CBR4: variants seen among roughly 807,000 people sequenced by gnomAD.
The protein encoded by CBR4 is carbonyl reductase 4.
A neutral mutation model predicts 21.0 loss-of-function variants in CBR4; 22 were observed. The ratio of observed to expected loss-of-function variants is 1.05; its 90% CI spans 0.75 to 1.50. The LOEUF (loss-of-function observed/expected upper bound fraction) is 1.50. CBR4 is among the 40% of genes most tolerant of loss of function. The pLI is 0.00. For missense variants in CBR4, 302 were observed against 286.3 expected (o/e 1.05, Z -0.40); for synonymous variants, 100 against 104.4 (o/e 0.96, Z 0.26).
intron 2 of CBR4, among the ~76,000 whole-genome samples, chr4:168,967,032 C>T (rs559559116): frequency 5.3e-5 from 8 of 149,648 alleles, no homozygotes; most frequent in Non-Finnish European, 8.9e-5. Context: ...AAAAAAATCA[C>T]GCTACTATAA....
chr4:168,986,833 T>C (rs931452351), downstream of CBR4, among the ~76,000 whole-genome samples: 2 of 152,022 alleles, frequency 1.3e-5, no homozygotes, highest in African/African-American at 4.8e-5. Context: ...TCTCAGCCAC[T>C]TGGGAGGCTA....
At chr4:168,941,336 T>A (rs1390260464) in intron 2 of CBR4, among the ~76,000 whole-genome samples, 4 of 152,178 alleles carry the variant, frequency 2.6e-5, no homozygotes, top group Admixed American at 6.5e-5. Context: ...AAAATTTTTT[T>A]AAAAAGATTA....
At chr4:168,896,405 A>G (rs548814502) in intron 2 of CBR4, 16 of 638,674 alleles carry the variant, frequency 2.5e-5, no homozygotes, top group Non-Finnish European at 3.9e-5. Flanking sequence ...TGAGAAGCAG[A>G]ATGGTTGTGT....
intron 1 of CBR4, chr4:169,008,902 G>A: frequency 1.1e-5 from 5 of 445,206 alleles, no homozygotes; most frequent in South Asian, 8.0e-5. Context: ...GCACTGAACA[G>A]GTGATACCAA....
intron 2 of CBR4, chr4:168,925,171 C>T: frequency 1.3e-6 from 2 of 1,579,406 alleles, no homozygotes; most frequent in Non-Finnish European, 1.7e-6. Flanking sequence ...TCTTTATAAA[C>T]AACTATTGTG....
Position 168,989,684 on chromosome 4 carries a change from T to C in CBR4, c.*466A>G. The C allele has an allele frequency of 1.0e-6, 1 of 983,072 alleles. No homozygotes were observed. The highest frequency in any genetic ancestry group is 1.2e-6 in the Non-Finnish European group (1 of 827,798). The allele number at this position is 983,072 out of a possible 1,614,324, so 60.9% of individuals were successfully genotyped here. On this transcript the variant is annotated 3_prime_UTR_variant, in exon 5 of 5. Coordinates refer to ENST00000306193, the MANE Select transcript of CBR4 (RefSeq NM_032783.5). ...AAAATAATTCATCATAATTAGACAA[T>C]ATAATTTTTCCACTTTTGAGACAAA...
At chr4:168,991,050 A>C (rs1275576763) in intron 4 of CBR4, among the ~76,000 whole-genome samples, 4 of 152,086 alleles carry the variant, frequency 2.6e-5, no homozygotes, top group Non-Finnish European at 5.9e-5. Flanking sequence ...GTGAAACTCC[A>C]TCTCAAAAAA....
chr4:168,950,285 A>C (rs1263135220), intron 2 of CBR4, among the ~76,000 whole-genome samples: 1 of 152,122 alleles, frequency 6.6e-6, no homozygotes, highest in East Asian at 1.9e-4. Flanking sequence ...GCCGTATCCC[A>C]GAGGTTTTGA....
chr4:168,961,969 AGAGGAGAGGAGAGGAGAGGAGAGG>A, intron 2 of CBR4, among the ~76,000 whole-genome samples: 1 of 143,342 alleles, frequency 7.0e-6, no homozygotes, highest in East Asian at 2.0e-4. Flanking sequence ...AGAGGAGAGG[AGAGGAGAGGAGAGGAGAGGAGAGG>A]AAAGGAAAGG....
intron 2 of CBR4, among the ~76,000 whole-genome samples, chr4:168,939,426 T>C (rs1204375818): frequency 2.6e-5 from 4 of 152,078 alleles, no homozygotes; most frequent in Admixed American, 6.5e-5. Context: ...CAATTCAACA[T>C]AGTACTGGAA....
intron 2 of CBR4, among the ~76,000 whole-genome samples, chr4:168,895,400 A>G (rs1754902610): frequency 6.6e-6 from 1 of 152,148 alleles, no homozygotes; most frequent in African/African-American, 2.4e-5. Flanking sequence ...ACAAAACTAA[A>G]AACACATATA....
At chr4:168,930,320 C>T (rs1316287048) in intron 2 of CBR4, among the ~76,000 whole-genome samples, 1 of 152,032 alleles carries the variant, frequency 6.6e-6, no homozygotes, top group African/African-American at 2.4e-5. Flanking sequence ...GAACCAGGCC[C>T]TACAGAAGCT....
At chr4:168,914,907 T>C (rs1281371388) in intron 2 of CBR4, among the ~76,000 whole-genome samples, 1 of 152,214 alleles carries the variant, frequency 6.6e-6, no homozygotes, top group African/African-American at 2.4e-5. Flanking sequence ...AGAGCATGTG[T>C]AGATTTAATT....
chr4:169,009,955 G>C lies in CBR4; in HGVS notation c.135C>G (p.Asp45Glu). 2 of 1,611,608 alleles carry C rather than the reference G, an allele frequency of 1.2e-6. No individual in the cohort carries two copies. Among genetic ancestry groups the C allele is most frequent in the Non-Finnish European group, 1.7e-6 (2 of 1,179,178 alleles). ...CTCCAGTTTGGTACCTACCGCCGAGGTCACCGGCGGCGGCTTTGGCCCCTT... is the reference window on the plus strand; with the variant it reads ...CTCCAGTTTGGTACCTACCGCCGAGCTCACCGGCGGCGGCTTTGGCCCCTT... The part of the protein sequence containing the change: ...NLEGAKAAAG[D>E]LGGDHLAFSC... The change falls in exon 1 of 5, where the codon GAC becomes GAG. Residue 45 changes from aspartate (D) to glutamate (E), a missense_variant. Coordinates refer to ENST00000306193, the MANE Select transcript of CBR4 (RefSeq NM_032783.5).
intron 2 of CBR4, among the ~76,000 whole-genome samples, chr4:168,930,560 G>A (rs1035858861): frequency 6.6e-6 from 1 of 152,158 alleles, no homozygotes; most frequent in Non-Finnish European, 1.5e-5. Flanking sequence ...AGAGGTTCCT[G>A]GCATTCATCC....
At chr4:169,002,857 T>C (rs754722121) in intron 3 of CBR4, among the ~76,000 whole-genome samples, 1 of 152,120 alleles carries the variant, frequency 6.6e-6, no homozygotes, top group Non-Finnish European at 1.5e-5. Context: ...CTGTGTCTCT[T>C]TGTCACATTT....
At chr4:168,920,288 C>T (rs1761185098) in intron 2 of CBR4, among the ~76,000 whole-genome samples, 1 of 152,194 alleles carries the variant, frequency 6.6e-6, no homozygotes, top group South Asian at 2.1e-4. Context: ...ACCTCTTCAT[C>T]CTTTTAACCA....
At chr4:168,941,485 T>C (rs902340734) in intron 2 of CBR4, among the ~76,000 whole-genome samples, 3 of 151,994 alleles carry the variant, frequency 2.0e-5, no homozygotes, top group Non-Finnish European at 4.4e-5. Context: ...GAAAAAGCAT[T>C]TGGTAAAATT....
intron 2 of CBR4, among the ~76,000 whole-genome samples, chr4:168,910,220 C>CTTT (rs70961563): frequency 2.6e-5 from 3 of 114,008 alleles, no homozygotes; most frequent in Non-Finnish European, 1.8e-5. Flanking sequence ...AACCTGTTTA[C>CTTT]TTTTTTTTTT....
Sources: allele counts gnomAD v4.1 joint callset (sites outside exome capture counted in the v4.1 genomes callset), GRCh38; gene constraint gnomAD v4.1.1; transcripts MANE v1.5; gene names NCBI Gene and HGNC (gene_info 2026-07-23, HGNC 2026-07-21).